MAN1A1: variants seen among roughly 807,000 people sequenced by gnomAD.
MAN1A1 encodes mannosyl-oligosaccharide 1,2-alpha-mannosidase IA.
MAN1A1 carries 29 observed loss-of-function variants against 70.8 expected under a neutral mutation model. The observed-to-expected ratio is 0.41, with a 90% CI of 0.31 to 0.56. The LOEUF (loss-of-function observed/expected upper bound fraction) is 0.56, where lower values mean the gene tolerates loss of function less well. Among genes scored for constraint, MAN1A1 ranks in the 20% least tolerant of loss-of-function variants. The pLI is 0.29. For missense variants in MAN1A1, 747 were observed against 841.3 expected (o/e 0.89, Z 1.39); for synonymous variants, 349 against 330.1 (o/e 1.06, Z -0.62).
At chr6:119,180,948 C>G (rs1367559388) in intron 11 of MAN1A1, among the ~76,000 whole-genome samples, 1 of 152,024 alleles carries the variant, frequency 6.6e-6, no homozygotes, top group Non-Finnish European at 1.5e-5. Context: ...ACATATCTTA[C>G]CTAATTTGAA....
chr6:119,345,797 G>A (rs1223260261), intron 2 of MAN1A1, among the ~76,000 whole-genome samples: 2 of 152,166 alleles, frequency 1.3e-5, no homozygotes, highest in Non-Finnish European at 1.5e-5. Flanking sequence ...GAGAACCTAA[G>A]TATAAAGAGA....
chr6:119,180,273 G>C (rs1390708774), intron 12 of MAN1A1, 39 bp downstream of exon 12: 25 of 1,384,328 alleles, frequency 1.8e-5, no homozygotes, highest in Non-Finnish European at 2.5e-5. Flanking sequence ...ATCTGTTCAG[G>C]TACCTTAGCC....
chr6:119,284,482 G>A (rs772075375), intron 5 of MAN1A1, among the ~76,000 whole-genome samples: 1 of 152,194 alleles, frequency 6.6e-6, no homozygotes, highest in Non-Finnish European at 1.5e-5. Context: ...ACGCTGTTGA[G>A]AAGGGGCAGA....
chr6:119,315,551 T>C (rs190329766), intron 2 of MAN1A1, among the ~76,000 whole-genome samples: 1 of 152,328 alleles, frequency 6.6e-6, no homozygotes, highest in Admixed American at 6.5e-5. Flanking sequence ...TTTGACATTA[T>C]TTTATAAAAA....
At chr6:119,216,189 A>G (rs1221816738) in intron 6 of MAN1A1, among the ~76,000 whole-genome samples, 1 of 152,226 alleles carries the variant, frequency 6.6e-6, no homozygotes, top group African/African-American at 2.4e-5. Flanking sequence ...GTGGAAAAGC[A>G]TTCCAGGCTT....
rs202101356 is a variant in MAN1A1, at chr6:119,251,388, AG to A, written c.898-3035del. ...CAGCTTTTGAGTCTTCATGGTCTTA[AG>A]TTCTCATTCATGTTCAGTCCATCTT... On this transcript the variant is annotated intron_variant, in intron 5 of 12. Coordinates refer to ENST00000368468, the MANE Select transcript of MAN1A1 (RefSeq NM_005907.4). 5.9e-3 allele frequency among the ~76,000 whole-genome samples: 902 copies of A among 152,248 alleles called. 30 individuals carry two copies. In the East Asian group the frequency reaches 0.09, roughly 15 times the overall value.
chr6:119,281,847 G>C (rs1352065221), intron 5 of MAN1A1, among the ~76,000 whole-genome samples: 1 of 152,074 alleles, frequency 6.6e-6, no homozygotes, highest in South Asian at 2.1e-4. Context: ...ATGAGGTCAA[G>C]AGATAAGAGA....
chr6:119,345,258 A>C (rs975279469), intron 2 of MAN1A1, among the ~76,000 whole-genome samples: 2 of 151,932 alleles, frequency 1.3e-5, no homozygotes, highest in Non-Finnish European at 2.9e-5. Flanking sequence ...AAGTAAATGG[A>C]CTATTTTTCT....
At chr6:119,304,177 CTTGA>C (rs1772470775) in intron 3 of MAN1A1, among the ~76,000 whole-genome samples, 2 of 152,128 alleles carry the variant, frequency 1.3e-5, no homozygotes, top group Non-Finnish European at 2.9e-5. Flanking sequence ...TATTAAAACA[CTTGA>C]TTTTCAAAAA....
intron 2 of MAN1A1, among the ~76,000 whole-genome samples, chr6:119,329,110 C>T (rs1212512957): frequency 6.6e-6 from 1 of 152,158 alleles, no homozygotes; most frequent in East Asian, 1.9e-4. Flanking sequence ...TACATTTGCA[C>T]TAAAAATCAA....
At chr6:119,293,306 T>C (rs1307205594) in intron 4 of MAN1A1, among the ~76,000 whole-genome samples, 2 of 152,108 alleles carry the variant, frequency 1.3e-5, no homozygotes, top group Non-Finnish European at 2.9e-5. Flanking sequence ...ATTGATCCAA[T>C]TACATATTCT....
At chr6:119,197,193 C>T (rs1773592505) in intron 8 of MAN1A1, among the ~76,000 whole-genome samples, 1 of 151,972 alleles carries the variant, frequency 6.6e-6, no homozygotes, top group South Asian at 2.1e-4. Context: ...CCTGTAATCC[C>T]AGCTACTTGG....
At chr6:119,314,088 C>A (rs540212423) in intron 2 of MAN1A1, among the ~76,000 whole-genome samples, 44 of 152,322 alleles carry the variant, frequency 2.9e-4, no homozygotes, top group Admixed American at 5.2e-4. Context: ...GGTCTGTGGG[C>A]ATGTGGCTTC....
chr6:119,260,195 C>T (rs1272622359), intron 5 of MAN1A1, among the ~76,000 whole-genome samples: 1 of 152,078 alleles, frequency 6.6e-6, no homozygotes, highest in African/African-American at 2.4e-5. Context: ...ATTTAACAAC[C>T]CACTCACAGC....
chr6:119,250,646 CTCTG>C (rs912257257), intron 5 of MAN1A1, among the ~76,000 whole-genome samples: 3 of 103,642 alleles, frequency 2.9e-5, no homozygotes, highest in African/African-American at 1.1e-4. Context: ...CTTGTTCTCT[CTCTG>C]TGTGTGTGTG....
intron 6 of MAN1A1, among the ~76,000 whole-genome samples, chr6:119,235,550 G>C (rs1774818853): frequency 6.6e-6 from 1 of 152,228 alleles, no homozygotes; most frequent in Non-Finnish European, 1.5e-5. Context: ...TGAAGGTGAA[G>C]AGAAGAAGCT....
intron 8 of MAN1A1, among the ~76,000 whole-genome samples, chr6:119,196,457 T>C (rs1773572351): frequency 6.6e-6 from 1 of 152,018 alleles, no homozygotes; most frequent in African/African-American, 2.4e-5. Context: ...AACATCTTAG[T>C]GGATGTCGGG....
chr6:119,347,307 C>G (rs571565636), intron 2 of MAN1A1, among the ~76,000 whole-genome samples: 4 of 152,210 alleles, frequency 2.6e-5, no homozygotes, highest in Admixed American at 1.3e-4. Context: ...AATCTGTTTA[C>G]TCTCTGAAAA....
chr6:119,325,345 A>T (rs1282514052), intron 2 of MAN1A1, among the ~76,000 whole-genome samples: 2 of 152,186 alleles, frequency 1.3e-5, no homozygotes, highest in East Asian at 3.9e-4. Flanking sequence ...AAAAATTAGA[A>T]TTATTTTTCA....
Sources: allele counts gnomAD v4.1 joint callset (sites outside exome capture counted in the v4.1 genomes callset), GRCh38; gene constraint gnomAD v4.1.1; transcripts MANE v1.5; gene names NCBI Gene and HGNC (gene_info 2026-07-23, HGNC 2026-07-21).